The following CORO2B variants were observed in gnomAD, a reference collection of about 807,000 sequenced individuals.
CORO2B encodes coronin-2B.
Under a neutral mutation model 58.8 loss-of-function variants are expected in CORO2B, and 26 were observed. The ratio of observed to expected loss-of-function variants is 0.44; its 90% CI spans 0.32 to 0.61. The LOEUF is 0.61. Ranked by LOEUF, CORO2B falls within the 20% of genes least tolerant of loss-of-function variation. The pLI, the probability that CORO2B is intolerant of heterozygous loss-of-function variation, is 0.04. For synonymous variants in CORO2B, 242 were observed against 253.8 expected, an observed-to-expected ratio of 0.95 and a Z score of 0.44; for missense variants, 460 against 645.1, an observed-to-expected ratio of 0.71 and a Z score of 3.11.
At chr15:68,667,831 T>C (rs1472599863) in intron 2 of CORO2B, among the ~76,000 whole-genome samples, 18 of 152,172 alleles carry the variant, frequency 1.2e-4, no homozygotes, top group Admixed American at 1.2e-3. Context: ...TACTTCCATC[T>C]CTGGAAATAG....
At chr15:68,568,678 G>A in the CORO2B span, among the ~76,000 whole-genome samples, 145 of 152,268 alleles carry the variant, frequency 9.5e-4, 1 homozygote, top group Admixed American at 1.6e-3. Context: ...TGAGACTTGA[G>A]TGATTTTGCC....
chr15:68,523,584 C>G, the CORO2B span, among the ~76,000 whole-genome samples: 1 of 152,216 alleles, frequency 6.6e-6, no homozygotes, highest in African/African-American at 2.4e-5. Context: ...CCTGCACAGC[C>G]AAGAATTGAC....
At chr15:68,653,270 A>G (rs1226736716) in intron 2 of CORO2B, among the ~76,000 whole-genome samples, 1 of 152,182 alleles carries the variant, frequency 6.6e-6, no homozygotes, top group Non-Finnish European at 1.5e-5. Flanking sequence ...GAGTTCCTGG[A>G]CCGAAAAGGA....
chr15:68,652,880 T>A (rs1342324237), intron 2 of CORO2B, among the ~76,000 whole-genome samples: 1 of 152,260 alleles, frequency 6.6e-6, no homozygotes, highest in Admixed American at 6.5e-5. Flanking sequence ...TACAGAGGTT[T>A]AGAGGGAAGC....
At chr15:68,605,293 T>C (rs1900081940) in intron 1 of CORO2B, among the ~76,000 whole-genome samples, 1 of 152,094 alleles carries the variant, frequency 6.6e-6, no homozygotes, top group South Asian at 2.1e-4. Flanking sequence ...CCACAAGCCA[T>C]AAAAATGTCC....
the CORO2B span, among the ~76,000 whole-genome samples, chr15:68,530,605 A>G: frequency 2.0e-5 from 3 of 152,126 alleles, no homozygotes; most frequent in East Asian, 1.9e-4. Flanking sequence ...CCTTGCAGTT[A>G]TGTTAGTTTT....
chr15:68,640,320 C>CA (rs1320275746), intron 1 of CORO2B, among the ~76,000 whole-genome samples: 1 of 152,136 alleles, frequency 6.6e-6, no homozygotes, highest in African/African-American at 2.4e-5. Context: ...CATGCTTTAC[C>CA]AAAGCCAAGT....
chr15:68,719,243 G>C lies in CORO2B; in HGVS notation c.1171+9G>C. ...GGGAGGCATCAACCGAGGTACCACA[G>C]CGGGGGGCTCCACAGAGCACAGGCG... On this transcript the variant is annotated intron_variant, in intron 10 of 11. Transcript: ENST00000261861. 2.5e-6 allele frequency: 4 copies of C among 1,613,504 alleles called. No individual in the cohort carries two copies. The highest frequency in any genetic ancestry group is 3.4e-6 in the Non-Finnish European group (4 of 1,179,602).
Position 68,675,246 on chromosome 15 carries a change from C to T in CORO2B, c.217-19894C>T, listed in dbSNP as rs544589158. On this transcript the variant is annotated intron_variant, in intron 2 of 11. Transcript: ENST00000261861. The stretch of plus-strand genomic sequence containing the variant: ...TCAGCATGCTCTGGAATTCCCCTTG[C>T]GGCAGCTGCCTCCCATTTTGCTGTC... 2.0e-5 allele frequency among the ~76,000 whole-genome samples: 3 copies of T among 152,302 alleles called. No individual in the cohort carries two copies. In the South Asian group the frequency reaches 6.2e-4, roughly 32 times the overall value.
the CORO2B span, among the ~76,000 whole-genome samples, chr15:68,540,955 C>G: frequency 6.6e-6 from 1 of 152,150 alleles, no homozygotes; most frequent in African/African-American, 2.4e-5. Context: ...TCTGCAAGGG[C>G]ACAGTGACTC....
the CORO2B span, among the ~76,000 whole-genome samples, chr15:68,560,115 C>T: frequency 4.6e-5 from 7 of 152,160 alleles, no homozygotes; most frequent in Non-Finnish European, 5.9e-5. Flanking sequence ...CCGTGCAGTG[C>T]TCAGGCATTG....
intron 3 of CORO2B, among the ~76,000 whole-genome samples, chr15:68,706,936 C>T (rs1892799453): frequency 6.6e-6 from 1 of 151,982 alleles, no homozygotes; most frequent in Admixed American, 6.6e-5. Flanking sequence ...TGGTCTTGAA[C>T]TCCTGGGCTC....
chr15:68,608,215 C>T (rs983405253), intron 1 of CORO2B, among the ~76,000 whole-genome samples: 1 of 152,270 alleles, frequency 6.6e-6, no homozygotes, highest in Admixed American at 6.5e-5. Context: ...GGCCCACAGG[C>T]ATCCTTTGTG....
Position 68,710,778 on chromosome 15 carries a change from C to G in CORO2B, c.380C>G (p.Thr127Arg), listed in dbSNP as rs144874326. The change falls in exon 4 of 12, where the codon ACG becomes AGG. Residue 127 changes from threonine to arginine, a missense_variant. Transcript: ENST00000261861. The surrounding 1 kb of genome is among the most constrained non-coding windows in gnomAD (Gnocchi z 4.1). ...IPEGGLKRNM[T>R]EALLELHGHS... ...GAGGGCGGGCTGAAGCGGAACATGA[C>G]GGAGGCGCTCCTGGAGCTGCACGGG... 3 of 1,612,244 alleles carry G rather than the reference C, an allele frequency of 1.9e-6. No individual in the cohort carries two copies. The highest frequency in any genetic ancestry group is 2.5e-6 in the Non-Finnish European group (3 of 1,179,254).
chr15:68,648,952 G>A (rs1314653696), intron 2 of CORO2B, among the ~76,000 whole-genome samples: 4 of 152,274 alleles, frequency 2.6e-5, no homozygotes, highest in East Asian at 3.9e-4. Context: ...TAAAAAATAC[G>A]TGTGCAGCAT....
intron 3 of CORO2B, among the ~76,000 whole-genome samples, chr15:68,699,108 C>A (rs1177389713): frequency 6.6e-6 from 1 of 152,096 alleles, no homozygotes; most frequent in African/African-American, 2.4e-5. Flanking sequence ...GGAGAGAATG[C>A]ATATACAGTG....
chr15:68,593,376 C>T (rs1460444848), intron 1 of CORO2B, among the ~76,000 whole-genome samples: 2 of 152,212 alleles, frequency 1.3e-5, no homozygotes, highest in Non-Finnish European at 2.9e-5. Context: ...TCCCTGTCCT[C>T]CTTCCCCCAG....
intron 1 of CORO2B, among the ~76,000 whole-genome samples, chr15:68,589,446 G>C (rs1260304278): frequency 1.3e-5 from 2 of 152,222 alleles, no homozygotes; most frequent in African/African-American, 4.8e-5. Context: ...CCCTGTTGCT[G>C]CTTGGACAAA....
At chr15:68,545,853 G>C in the CORO2B span, among the ~76,000 whole-genome samples, 1 of 152,206 alleles carries the variant, frequency 6.6e-6, no homozygotes, top group Non-Finnish European at 1.5e-5. Context: ...AGCCTCAAAG[G>C]TGTGGCTTTG....
Sources: allele counts gnomAD v4.1 joint callset (sites outside exome capture counted in the v4.1 genomes callset), GRCh38; gene constraint gnomAD v4.1.1; non-coding constraint Gnocchi (gnomAD v3.1); transcripts MANE v1.5; gene names NCBI Gene and HGNC (gene_info 2026-07-23, HGNC 2026-07-21).